TMEM135: variants seen among roughly 807,000 people sequenced by gnomAD.
TMEM135 encodes transmembrane protein 135, also known as peroxisomal membrane protein 52.
In TMEM135, 30 loss-of-function variants were observed where a neutral mutation model predicts 60.3. The observed-to-expected ratio is 0.50, with a 90% confidence interval of 0.37 to 0.68. The LOEUF (loss-of-function observed/expected upper bound fraction) is 0.68. Among genes scored for constraint, TMEM135 ranks in the 30% least tolerant of loss-of-function variants. The pLI is 0.00. For missense variants in TMEM135, 468 were observed against 548.8 expected, an observed-to-expected ratio of 0.85 and a Z score of 1.47; for synonymous variants, 190 against 186.7, an observed-to-expected ratio of 1.02 and a Z score of -0.14.
intron 4 of TMEM135, among the ~76,000 whole-genome samples, chr11:87,099,546 T>C (rs1857405179): frequency 6.6e-6 from 1 of 152,050 alleles, no homozygotes. Context: ...CCTTAACCCC[T>C]GTTCATGGTT....
intron 6 of TMEM135, among the ~76,000 whole-genome samples, chr11:87,295,563 T>G (rs562406918): frequency 1.3e-5 from 2 of 152,172 alleles, no homozygotes; most frequent in Non-Finnish European, 2.9e-5. Context: ...AGAGCTGAGC[T>G]CTAAGTAATG....
At chr11:87,312,864 G>C (rs1942665355) in intron 10 of TMEM135, among the ~76,000 whole-genome samples, 1 of 151,880 alleles carries the variant, frequency 6.6e-6, no homozygotes, top group African/African-American at 2.4e-5. Flanking sequence ...AGAAAAATAT[G>C]TCTTCTAAGT....
chr11:87,122,466 A>ATTTATTTATTT (rs1937618873), intron 4 of TMEM135, among the ~76,000 whole-genome samples: 1 of 135,512 alleles, frequency 7.4e-6, no homozygotes, highest in African/African-American at 2.9e-5. Flanking sequence ...TTTATTTATT[A>ATTTATTTATTT]TTTATTTTTT....
chr11:87,165,812 T>A lies in TMEM135; in HGVS notation c.462+8406T>A, dbSNP rs577215042. Among the ~76,000 whole-genome samples the A allele has an allele frequency of 1.5e-3, 219 of 149,020 alleles. 3 individuals carry two copies. Among genetic ancestry groups the A allele is most frequent in the African/African-American group, 5.0e-3 (197 of 39,770 alleles). On this transcript the variant is annotated intron_variant, in intron 5 of 14. Transcript: ENST00000305494. ...TAAATGAATCCAGGAGCTGTTTTTT[T>A]GAAAGGATCAATAAAATTGATAGAC...
chr11:87,129,116 T>TA (rs1182687419), intron 4 of TMEM135, among the ~76,000 whole-genome samples: 5 of 151,232 alleles, frequency 3.3e-5, no homozygotes, highest in African/African-American at 9.7e-5. Context: ...ACTTTGCTCG[T>TA]AAAAAAAACT....
chr11:87,173,087 T>C (rs1294806619), intron 5 of TMEM135, among the ~76,000 whole-genome samples: 2 of 152,118 alleles, frequency 1.3e-5, no homozygotes, highest in Non-Finnish European at 2.9e-5. Context: ...ATTTTTAATG[T>C]TGCATCTATT....
chr11:87,175,152 T>C (rs1939336204), intron 5 of TMEM135, among the ~76,000 whole-genome samples: 1 of 152,156 alleles, frequency 6.6e-6, no homozygotes, highest in African/African-American at 2.4e-5. Context: ...TATCTTGATA[T>C]TTATTTCAGT....
chr11:87,197,974 G>A (rs1939998737), intron 5 of TMEM135, among the ~76,000 whole-genome samples: 1 of 151,790 alleles, frequency 6.6e-6, no homozygotes, highest in African/African-American at 2.4e-5. Context: ...CATAATAGTT[G>A]TAAATCTTTA....
At chr11:87,218,326 C>G (rs1021001795) in intron 5 of TMEM135, among the ~76,000 whole-genome samples, 11 of 152,212 alleles carry the variant, frequency 7.2e-5, no homozygotes, top group African/African-American at 2.2e-4. Context: ...ATAATACTGG[C>G]CTTTGGCAAA....
chr11:87,166,420 G>C (rs1266931077), intron 5 of TMEM135, among the ~76,000 whole-genome samples: 1 of 151,640 alleles, frequency 6.6e-6, no homozygotes, highest in Non-Finnish European at 1.5e-5. Flanking sequence ...TTTTCTTCTA[G>C]GGTTTTTATG....
intron 6 of TMEM135, among the ~76,000 whole-genome samples, chr11:87,291,770 T>G (rs1246891500): frequency 1.3e-5 from 2 of 151,970 alleles, no homozygotes; most frequent in Non-Finnish European, 2.9e-5. Context: ...CTTAAACTCC[T>G]AACCTCAGGT....
intron 5 of TMEM135, among the ~76,000 whole-genome samples, chr11:87,167,961 C>G (rs1259809755): frequency 1.3e-5 from 2 of 152,092 alleles, no homozygotes; most frequent in Admixed American, 6.6e-5. Context: ...GGGTGGCAGG[C>G]TATTAATTAC....
intron 4 of TMEM135, among the ~76,000 whole-genome samples, chr11:87,153,546 C>A (rs1488338068): frequency 1.3e-5 from 2 of 152,098 alleles, no homozygotes; most frequent in Non-Finnish European, 1.5e-5. Flanking sequence ...TAAAAGAGGC[C>A]ACCCTTGATT....
intron 5 of TMEM135, among the ~76,000 whole-genome samples, chr11:87,213,890 C>T (rs1565488651): frequency 1.3e-5 from 2 of 152,148 alleles, no homozygotes; most frequent in Non-Finnish European, 2.9e-5. Flanking sequence ...ATCTTGTTCT[C>T]AATGTAGACT....
chr11:87,056,101 A>C (rs1034028198), intron 1 of TMEM135, among the ~76,000 whole-genome samples: 1 of 152,072 alleles, frequency 6.6e-6, no homozygotes, highest in Non-Finnish European at 1.5e-5. Flanking sequence ...TAAAGGATTA[A>C]TTTTCTTAAT....
intron 13 of TMEM135, among the ~76,000 whole-genome samples, chr11:87,318,507 C>G (rs1421026501): frequency 6.6e-6 from 1 of 151,038 alleles, no homozygotes; most frequent in Admixed American, 6.6e-5. Context: ...GTTCCAGTAC[C>G]TTGGGAAGAA....
At chr11:87,189,368 C>G (rs1359713347) in intron 5 of TMEM135, among the ~76,000 whole-genome samples, 2 of 152,008 alleles carry the variant, frequency 1.3e-5, no homozygotes, top group Non-Finnish European at 2.9e-5. Context: ...ACCATGTTGG[C>G]CAGGCTGGTC....
chr11:87,191,190 A>G (rs1939789827), intron 5 of TMEM135, among the ~76,000 whole-genome samples: 1 of 151,758 alleles, frequency 6.6e-6, no homozygotes, highest in Admixed American at 6.6e-5. Context: ...GGAGGAAGCC[A>G]CAATGTCTAT....
intron 4 of TMEM135, among the ~76,000 whole-genome samples, chr11:87,123,165 G>A (rs571231347): frequency 6.6e-6 from 1 of 152,300 alleles, no homozygotes; most frequent in South Asian, 2.1e-4. Context: ...TTCTAGGGCT[G>A]CTGTAACAAA....
Sources: allele counts gnomAD v4.1 joint callset (sites outside exome capture counted in the v4.1 genomes callset), GRCh38; gene constraint gnomAD v4.1.1; transcripts MANE v1.5; gene names NCBI Gene and HGNC (gene_info 2026-07-23, HGNC 2026-07-21).